The following TUSC3 variants were observed in gnomAD, a reference collection of about 807,000 sequenced individuals.
The protein encoded by TUSC3 is tumor suppressor candidate 3.
Under a neutral mutation model 44.8 loss-of-function variants are expected in TUSC3, and 45 were observed. That is an observed-to-expected ratio of 1.00 (90% CI 0.79 to 1.29). TUSC3 has a LOEUF of 1.29. TUSC3 is among the 50% of genes most tolerant of loss of function. The pLI, the probability that TUSC3 is intolerant of heterozygous loss-of-function variation, is 0.00. For synonymous variants in TUSC3, 212 were observed against 152.9 expected (o/e 1.39, Z -2.85); for missense variants, 519 against 437.9 (o/e 1.19, Z -1.65).
rs189055573 is a variant in TUSC3 at position 15,752,680 on chromosome 8, T to C, written c.1028+4215T>C. Among the ~76,000 whole-genome samples the C allele has an allele frequency of 1.1e-3, 167 of 152,208 alleles. 1 individual carries two copies. The highest frequency in any genetic ancestry group is 3.4e-3 in the Middle Eastern group (1 of 294). The stretch of plus-strand genomic sequence containing the variant: ...AAGCAGAAAATCTGACTCTGCTTAC[T>C]TGTCTCTCCTGTGCCATGTTTTGTG... On this transcript the variant is annotated intron_variant, in intron 9 of 10. Transcript: ENST00000503731.
the TUSC3 span, among the ~76,000 whole-genome samples, chr8:15,781,477 G>T: frequency 2.0e-5 from 3 of 152,124 alleles, no homozygotes; most frequent in South Asian, 2.1e-4. Context: ...TTTGAAGGCA[G>T]CAAGGGAAAA....
rs1488439547 is a variant in TUSC3 at position 15,579,837 on chromosome 8, T to G, written c.138+39269T>G. 9.8e-5 allele frequency among the ~76,000 whole-genome samples: 3 copies of G among 30,592 alleles called. No homozygotes were observed. The Admixed American group carries it at 1.1e-3, about 11-fold the overall frequency. The allele number at this position is 30,592 out of a possible 152,430, so 20.1% of individuals were successfully genotyped here. A position where few individuals can be genotyped will look rare whatever the true frequency, so the allele number is the denominator to read the frequency against. ...TTCTGTAGATGTCTATTAGGTCCAC[T>G]TGGTGCAGAGCTGAGTTCAATTCCT... On this transcript the variant is annotated intron_variant, in intron 1 of 10. Transcript: ENST00000503731.
intron 6 of TUSC3, among the ~76,000 whole-genome samples, chr8:15,694,356 C>T (rs1363624638): frequency 6.8e-6 from 1 of 146,074 alleles, no homozygotes; most frequent in East Asian, 2.1e-4. Flanking sequence ...ACAGGAAAAT[C>T]ACTTGAACCT....
At position 15,623,098 on chromosome 8, in the gene TUSC3, G is replaced by A; in HGVS notation, c.157G>A (p.Val53Ile). 1 of 1,613,776 alleles carries A rather than the reference G, an allele frequency of 6.2e-7. No individual in the cohort carries two copies. The highest frequency in any genetic ancestry group is 8.5e-7 in the Non-Finnish European group (1 of 1,179,852). The part of the protein sequence containing the change: ...KKKENLLAEK[V>I]EQLMEWSSRR... Reference sequence around the variant, plus strand: ...ATTGCAGAATCTTTTAGCTGAAAAAGTAGAGCAGCTGATGGAATGGAGTTC... The same window carrying A: ...ATTGCAGAATCTTTTAGCTGAAAAAATAGAGCAGCTGATGGAATGGAGTTC... The change falls in exon 2 of 11, where the codon GTA becomes ATA. Residue 53 changes from valine (V) to isoleucine (I), a missense_variant. Val to Ile is a conservative substitution (Grantham distance 29, BLOSUM62 3). Coordinates refer to ENST00000503731, the MANE Select transcript of TUSC3 (RefSeq NM_006765.4).
intron 2 of TUSC3, among the ~76,000 whole-genome samples, chr8:15,508,341 T>A (rs377632411): frequency 2.0e-5 from 3 of 151,306 alleles, no homozygotes; most frequent in African/African-American, 7.3e-5. Context: ...TTAACTGAGG[T>A]GAAGAACAAG....
chr8:15,735,427 T>A (rs1256183809), intron 7 of TUSC3, among the ~76,000 whole-genome samples: 1 of 152,208 alleles, frequency 6.6e-6, no homozygotes, highest in African/African-American at 2.4e-5. Flanking sequence ...CCAAAAAAGT[T>A]CCTAAGATTG....
intron 1 of TUSC3, among the ~76,000 whole-genome samples, chr8:15,597,155 C>G (rs147092869): frequency 0.015 from 2,292 of 152,088 alleles, 30 homozygotes; most frequent in Middle Eastern, 0.054. Flanking sequence ...AGGTCAGAAT[C>G]ATGACAGTAG....
intron 8 of TUSC3, 71 bp from the exon 9 acceptor site, chr8:15,748,304 T>C (rs1365865882): frequency 1.7e-6 from 2 of 1,192,592 alleles, no homozygotes; most frequent in Non-Finnish European, 2.5e-6. Context: ...TGAATGCATT[T>C]AAAAATATAA....
At chr8:15,786,716 G>A in the TUSC3 span, among the ~76,000 whole-genome samples, 3,824 of 151,864 alleles carry the variant, frequency 0.025, 92 homozygotes, top group South Asian at 0.067. Context: ...TGGCCGAGGC[G>A]GTGGATCACG....
At chr8:15,617,120 A>ATGTGTGTGTCTGTGTGTGTGTG (rs1805021741) in intron 1 of TUSC3, among the ~76,000 whole-genome samples, 1 of 123,720 alleles carries the variant, frequency 8.1e-6, no homozygotes, top group Non-Finnish European at 1.6e-5. Context: ...TATCTGTAAA[A>ATGTGTGTGTCTGTGTGTGTGTG]TGTGTGTGTG....
At chr8:15,740,598 G>A (rs1252294302) in intron 7 of TUSC3, among the ~76,000 whole-genome samples, 1 of 151,752 alleles carries the variant, frequency 6.6e-6, no homozygotes, top group Non-Finnish European at 1.5e-5. Flanking sequence ...TCAGAACCAA[G>A]TGGTGAGCTA....
intron 1 of TUSC3, among the ~76,000 whole-genome samples, chr8:15,608,602 T>A (rs191348692): frequency 6.6e-6 from 1 of 152,094 alleles, no homozygotes; most frequent in Admixed American, 6.6e-5. Context: ...TGGGAGGTGA[T>A]TGGATTATGG....
At chr8:15,547,512 G>T (rs374269644) in intron 1 of TUSC3, among the ~76,000 whole-genome samples, 43 of 151,536 alleles carry the variant, frequency 2.8e-4, no homozygotes, top group African/African-American at 9.9e-4. Flanking sequence ...CGATAATAAG[G>T]CTTAAATTAT....
chr8:15,799,691 T>C, the TUSC3 span, among the ~76,000 whole-genome samples: 25 of 152,334 alleles, frequency 1.6e-4, no homozygotes, highest in East Asian at 4.8e-3. Context: ...GTCCTCATTC[T>C]TTCTCTTCTA....
chr8:15,848,468 T>A, the TUSC3 span, among the ~76,000 whole-genome samples: 9 of 152,224 alleles, frequency 5.9e-5, no homozygotes, highest in Admixed American at 5.9e-4. Context: ...CTTTGTGGGA[T>A]GCCTCAGCTG....
the TUSC3 span, among the ~76,000 whole-genome samples, chr8:15,823,216 C>T: frequency 6.6e-6 from 1 of 152,162 alleles, no homozygotes; most frequent in African/African-American, 2.4e-5. Flanking sequence ...AATGAGTTTT[C>T]CGGAGCGCTA....
At chr8:15,637,831 C>G (rs1287558326) in intron 2 of TUSC3, among the ~76,000 whole-genome samples, 1 of 151,998 alleles carries the variant, frequency 6.6e-6, no homozygotes. Context: ...ACTTCTTCCT[C>G]CCTCCTATTT....
the TUSC3 span, among the ~76,000 whole-genome samples, chr8:15,800,540 T>C: frequency 6.6e-6 from 1 of 150,842 alleles, no homozygotes; most frequent in African/African-American, 2.4e-5. Context: ...GCCACTGCAC[T>C]CCAGCCTGGA....
chr8:15,851,971 T>C, the TUSC3 span, among the ~76,000 whole-genome samples: 5 of 152,072 alleles, frequency 3.3e-5, no homozygotes, highest in African/African-American at 1.2e-4. Context: ...TTTGCTTGGA[T>C]CTCATTTTTT....
Sources: allele counts gnomAD v4.1 joint callset (sites outside exome capture counted in the v4.1 genomes callset), GRCh38; gene constraint gnomAD v4.1.1; transcripts MANE v1.5; gene names NCBI Gene and HGNC (gene_info 2026-07-23, HGNC 2026-07-21).